BCAR3: variants seen among roughly 807,000 people sequenced by gnomAD.
BCAR3 encodes the protein BCAR3 adaptor protein, NSP family member.
Under a neutral mutation model 80.1 loss-of-function variants are expected in BCAR3, and 37 were observed. The observed-to-expected ratio is 0.46, with a 90% CI of 0.36 to 0.61. The LOEUF (loss-of-function observed/expected upper bound fraction) is 0.61, where lower values mean the gene tolerates loss of function less well. Among genes scored for constraint, BCAR3 ranks in the 20% least tolerant of loss-of-function variants. The pLI, the probability that BCAR3 is intolerant of heterozygous loss-of-function variation, is 0.00. For synonymous variants in BCAR3, 389 were observed against 418.9 expected, an observed-to-expected ratio of 0.93 and a Z score of 0.87; for missense variants, 978 against 1,068.2, an observed-to-expected ratio of 0.92 and a Z score of 1.18.
intron 2 of BCAR3, among the ~76,000 whole-genome samples, chr1:93,787,760 G>A (rs927033484): frequency 6.6e-6 from 1 of 152,138 alleles, no homozygotes; most frequent in Non-Finnish European, 1.5e-5. Flanking sequence ...AATGTTCCAC[G>A]TGCTGATGAG....
chr1:93,839,782 T>A (rs1394572821), intron 2 of BCAR3, among the ~76,000 whole-genome samples: 1 of 152,232 alleles, frequency 6.6e-6, no homozygotes, highest in Non-Finnish European at 1.5e-5. Flanking sequence ...TATTAAGGAT[T>A]TAAATTCATG....
chr1:93,845,490 A>ATC (rs1557708490), intron 2 of BCAR3: 4 of 5,112 alleles, frequency 7.8e-4, no homozygotes, highest in African/African-American at 2.2e-3. Flanking sequence ...ATATATATAT[A>ATC]TATATATATA....
chr1:93,692,477 G>T (rs1390169481), intron 3 of BCAR3, among the ~76,000 whole-genome samples: 2 of 152,218 alleles, frequency 1.3e-5, no homozygotes, highest in Non-Finnish European at 2.9e-5. Flanking sequence ...TCTGATGGGG[G>T]AAACACAAAC....
intron 2 of BCAR3, among the ~76,000 whole-genome samples, chr1:93,652,271 C>G (rs552643985): frequency 6.6e-6 from 1 of 152,258 alleles, no homozygotes; most frequent in African/African-American, 2.4e-5. Flanking sequence ...TTTAGAGAAG[C>G]ATGGGAAAGA....
At chr1:93,816,777 C>T (rs1654035908) in intron 2 of BCAR3, among the ~76,000 whole-genome samples, 1 of 149,956 alleles carries the variant, frequency 6.7e-6, no homozygotes, top group African/African-American at 2.5e-5. Flanking sequence ...TCTTGATTGA[C>T]AATGTCAAAA....
At chr1:93,580,513 GAAA>G (rs60517686) in intron 7 of BCAR3, among the ~76,000 whole-genome samples, 2 of 123,222 alleles carry the variant, frequency 1.6e-5, no homozygotes, top group African/African-American at 5.7e-5. Flanking sequence ...AAATATTCAG[GAAA>G]AAAAAAAAAA....
At chr1:93,623,512 TG>T (rs1675372015) in intron 3 of BCAR3, among the ~76,000 whole-genome samples, 2 of 152,118 alleles carry the variant, frequency 1.3e-5, no homozygotes, top group Admixed American at 6.5e-5. Flanking sequence ...CTTTTCCCCT[TG>T]GACCACAAGC....
At chr1:93,845,582 T>C (rs1655147673) in exon 2 of BCAR3, 2 of 150,748 alleles carry the variant, frequency 1.3e-5, no homozygotes, top group South Asian at 2.1e-4. Context: ...GGAGAAGCGA[T>C]TCACAATTCG....
chr1:93,707,376 G>C (rs1649861130), intron 2 of BCAR3, among the ~76,000 whole-genome samples: 1 of 152,084 alleles, frequency 6.6e-6, no homozygotes, highest in South Asian at 2.1e-4. Flanking sequence ...ATCAAATGCA[G>C]TAGATATGCA....
At chr1:93,589,650 C>T (rs1374350037) in intron 4 of BCAR3, among the ~76,000 whole-genome samples, 1 of 152,236 alleles carries the variant, frequency 6.6e-6, no homozygotes, top group Non-Finnish European at 1.5e-5. Context: ...TCAGGGGATG[C>T]AGTGGTGACA....
chr1:93,644,664 T>A (rs1169905451), intron 2 of BCAR3, among the ~76,000 whole-genome samples: 1 of 152,172 alleles, frequency 6.6e-6, no homozygotes, highest in Non-Finnish European at 1.5e-5. Flanking sequence ...AGAGTTTGAC[T>A]CTTTTCATTG....
At chr1:93,648,425 C>T (rs236301) in intron 2 of BCAR3, among the ~76,000 whole-genome samples, 44,021 of 151,976 alleles carry the variant, frequency 0.29, 8,724 homozygotes, top group African/African-American at 0.58. Flanking sequence ...GGATGGTCTT[C>T]AACGAGGTTT....
At chr1:93,581,035 G>A (rs1320203976) in intron 7 of BCAR3, among the ~76,000 whole-genome samples, 1 of 152,060 alleles carries the variant, frequency 6.6e-6, no homozygotes, top group Admixed American at 6.5e-5. Context: ...GGTGGCATGC[G>A]CCTGTGGTCC....
chr1:93,573,636 T>A (rs7540986), intron 8 of BCAR3, among the ~76,000 whole-genome samples: 61,466 of 133,658 alleles, frequency 0.46, 15,047 homozygotes, highest in East Asian at 0.55. Flanking sequence ...TATTATTATT[T>A]TTTTTTTTTT....
At chr1:93,699,553 G>A (rs1429999638) in intron 3 of BCAR3, among the ~76,000 whole-genome samples, 1 of 152,074 alleles carries the variant, frequency 6.6e-6, no homozygotes, top group Non-Finnish European at 1.5e-5. Flanking sequence ...ATCATATACC[G>A]GCCTCAGTGA....
chr1:93,698,767 C>G (rs1365901642), intron 3 of BCAR3, among the ~76,000 whole-genome samples: 1 of 152,196 alleles, frequency 6.6e-6, no homozygotes, highest in Admixed American at 6.5e-5. Flanking sequence ...TGTCTGTGGC[C>G]TAATGTCAGG....
At chr1:93,843,378 T>C (rs1441126872) in intron 2 of BCAR3, among the ~76,000 whole-genome samples, 3 of 152,340 alleles carry the variant, frequency 2.0e-5, no homozygotes, top group African/African-American at 7.2e-5. Context: ...CTTACTAATA[T>C]AATAGCAAAT....
At chr1:93,784,146 A>G (rs1428397935) in intron 2 of BCAR3, among the ~76,000 whole-genome samples, 1 of 151,730 alleles carries the variant, frequency 6.6e-6, no homozygotes, top group African/African-American at 2.4e-5. Context: ...ATGCTATATG[A>G]AGTGGTGATG....
At position 93,578,479 on chromosome 1, in the gene BCAR3, CCT is replaced by C. The variant is rs1207944058; in HGVS notation, c.1687-2352_1687-2351del. 2.6e-5 allele frequency among the ~76,000 whole-genome samples: 4 copies of C among 152,200 alleles called. No homozygotes were observed. In the East Asian group the frequency reaches 7.7e-4, roughly 29 times the overall value. On this transcript the variant is annotated intron_variant, in intron 7 of 11. Coordinates refer to ENST00000260502, the MANE Select transcript of BCAR3 (RefSeq NM_003567.4). Reference sequence around the variant, plus strand: ...AGAATGAATCTGCTGTAAACCAACCCCTCTCTCCATGGGTTTTGACAACTAAG... The same window carrying C: ...AGAATGAATCTGCTGTAAACCAACCCCTCTCCATGGGTTTTGACAACTAAG...
Sources: allele counts gnomAD v4.1 joint callset (sites outside exome capture counted in the v4.1 genomes callset), GRCh38; gene constraint gnomAD v4.1.1; transcripts MANE v1.5; gene names NCBI Gene and HGNC (gene_info 2026-07-23, HGNC 2026-07-21).